PLXDC1: variants seen among roughly 807,000 people sequenced by gnomAD.
PLXDC1 encodes plexin domain-containing protein 1.
In PLXDC1, 39 loss-of-function variants were observed where a neutral mutation model predicts 61.3. That is an observed-to-expected ratio of 0.64 (90% CI 0.49 to 0.83). The LOEUF (loss-of-function observed/expected upper bound fraction) is 0.83. PLXDC1 is among the 40% of genes least tolerant of loss of function. PLXDC1 has a pLI of 0.00. For missense variants in PLXDC1, 596 were observed against 666.5 expected (o/e 0.89, Z 1.17); for synonymous variants, 212 against 254.5 (o/e 0.83, Z 1.59).
In PLXDC1 at chr17:39,109,559, C is replaced by A. The variant is rs192780224; in HGVS notation, c.256-168G>T. Among the ~76,000 whole-genome samples, 40 of 152,282 alleles carry A rather than the reference C, an allele frequency of 2.6e-4. 1 individual carries two copies. The East Asian group carries it at 7.6e-3, about 29-fold the overall frequency. On this transcript the variant is annotated intron_variant, in intron 2 of 13. Coordinates refer to ENST00000315392, the MANE Select transcript of PLXDC1 (RefSeq NM_020405.5). Reference sequence around the variant, plus strand: ...ATTTAGGCCTAGGACCCCCTGGACTCCCCCTTGGCCCCAGACAGCTCACTA... The same window carrying A: ...ATTTAGGCCTAGGACCCCCTGGACTACCCCTTGGCCCCAGACAGCTCACTA...
At position 39,148,004 on chromosome 17, in the gene PLXDC1, C is replaced by T. The variant is rs570617609; in HGVS notation, c.76+3358G>A. ...GAGGTGGGGCTCTCTGAGGAGGGTC[C>T]CCTTGAGCTGATTAAGACCTGAATG... On this transcript the variant is annotated intron_variant, in intron 1 of 13. Transcript: ENST00000315392. 9.9e-5 allele frequency among the ~76,000 whole-genome samples: 15 copies of T among 152,142 alleles called. No individual in the cohort carries two copies. In the South Asian group the frequency reaches 2.7e-3, roughly 27 times the overall value.
intron 7 of PLXDC1, among the ~76,000 whole-genome samples, chr17:39,092,209 G>T (rs992721103): frequency 2.0e-5 from 3 of 151,730 alleles, no homozygotes; most frequent in Non-Finnish European, 2.9e-5. Flanking sequence ...CAAGTAGCTG[G>T]TATTACAGGC....
chr17:39,101,939 G>A (rs556155245), intron 7 of PLXDC1, among the ~76,000 whole-genome samples: 1 of 152,266 alleles, frequency 6.6e-6, no homozygotes, highest in Admixed American at 6.5e-5. Flanking sequence ...TGGGAATGCT[G>A]CAGGCAGGCA....
chr17:39,090,982 C>A (rs774146642), intron 7 of PLXDC1, among the ~76,000 whole-genome samples: 1 of 152,190 alleles, frequency 6.6e-6, no homozygotes. Context: ...CCCACAGAGG[C>A]GGCCTGACCG....
At chr17:39,128,086 T>TGTGTATATATATATATATATATATATATA (rs1567769441) in intron 2 of PLXDC1, among the ~76,000 whole-genome samples, 1 of 118,320 alleles carries the variant, frequency 8.5e-6, no homozygotes, top group South Asian at 2.8e-4. Context: ...TCTCTCTCTC[T>TGTGTATATATATATATATATATATATATA]CTCTCTATGT....
chr17:39,117,152 G>A (rs937115670), intron 2 of PLXDC1, among the ~76,000 whole-genome samples: 3 of 152,224 alleles, frequency 2.0e-5, no homozygotes, highest in African/African-American at 7.2e-5. Flanking sequence ...GCATCTTGTA[G>A]TGACGGGATG....
At chr17:39,147,820 G>A (rs73983241) in intron 1 of PLXDC1, among the ~76,000 whole-genome samples, 453 of 152,260 alleles carry the variant, frequency 3.0e-3, no homozygotes, top group African/African-American at 0.011. Flanking sequence ...TTATTGAGTC[G>A]CAGGCACTGT....
intron 2 of PLXDC1, among the ~76,000 whole-genome samples, chr17:39,123,025 G>T (rs537119771): frequency 6.6e-6 from 1 of 152,150 alleles, no homozygotes; most frequent in East Asian, 1.9e-4. Flanking sequence ...TCAGACCCTC[G>T]GGGTTCCATG....
At chr17:39,069,252 C>T (rs1301795032) in intron 13 of PLXDC1, among the ~76,000 whole-genome samples, 3 of 152,078 alleles carry the variant, frequency 2.0e-5, no homozygotes, top group South Asian at 2.1e-4. Flanking sequence ...ACCACAGGTA[C>T]GTGCCACCAC....
chr17:39,086,731 G>A (rs189531794), intron 8 of PLXDC1, among the ~76,000 whole-genome samples: 81 of 151,878 alleles, frequency 5.3e-4, no homozygotes, highest in Non-Finnish European at 9.4e-4. Flanking sequence ...GCATGGTGGC[G>A]GGTGCCTGTA....
intron 2 of PLXDC1, among the ~76,000 whole-genome samples, chr17:39,120,263 T>C (rs1037314442): frequency 2.0e-5 from 3 of 152,138 alleles, no homozygotes; most frequent in Non-Finnish European, 4.4e-5. Context: ...GCGACTCTCC[T>C]GCCTCAGCCT....
At position 39,067,750 on chromosome 17, in the gene PLXDC1, C is replaced by T; in HGVS notation, c.*90G>A. On this transcript the variant is annotated 3_prime_UTR_variant, in exon 14 of 14. Transcript: ENST00000315392. ...CCATCTCATCTCAGCCCAGGGCATG[C>T]TGGGAGAGGCCAGGAAAAGTCACTT... 7.8e-7 allele frequency: 1 copy of T among 1,289,288 alleles called. No individual in the cohort carries two copies. The highest frequency in any genetic ancestry group is 1.1e-6 in the Non-Finnish European group (1 of 917,252). 79.9% of individuals were successfully genotyped at this position (1,289,288 alleles called of 1,614,324 possible).
chr17:39,139,615 C>A (rs1403912411), intron 2 of PLXDC1, 39 bp downstream of exon 2: 2 of 1,530,160 alleles, frequency 1.3e-6, no homozygotes, highest in East Asian at 2.3e-5. Context: ...CCTCCCCCAC[C>A]CCCACTTCGC....
chr17:39,109,215 C>G (rs1374106444), intron 3 of PLXDC1, 33 bp downstream of exon 3: 1 of 1,591,740 alleles, frequency 6.3e-7, no homozygotes, highest in South Asian at 1.1e-5. Flanking sequence ...CCTCCCAGCA[C>G]AGGGAAGCAT....
At chr17:39,151,896 CCCT>C (rs745587247), upstream of PLXDC1, among the ~76,000 whole-genome samples, 19 of 152,282 alleles carry the variant, frequency 1.2e-4, no homozygotes, top group South Asian at 4.1e-4. This position sits in a 1 kb window ranked among gnomAD's most constrained non-coding sequence, Gnocchi z 5.2. Context: ...GGCTCCCTTT[CCCT>C]CCTCCGTTCC....
intron 11 of PLXDC1, among the ~76,000 whole-genome samples, chr17:39,076,370 G>A (rs188053096): frequency 3.6e-4 from 54 of 151,674 alleles, no homozygotes; most frequent in African/African-American, 1.1e-3. Context: ...AATTAGCCAG[G>A]TATGGTGGTA....
upstream of PLXDC1, chr17:39,152,691 T>A (rs778316225): frequency 6.0e-5 from 74 of 1,233,600 alleles, no homozygotes; most frequent in Non-Finnish European, 7.3e-5. Context: ...TGGAGAAATT[T>A]TCCAGGAGGA....
At chr17:39,133,914 ACTGTGACTGG>A (rs1419382273) in intron 2 of PLXDC1, among the ~76,000 whole-genome samples, 1 of 148,144 alleles carries the variant, frequency 6.8e-6, no homozygotes, top group African/African-American at 2.5e-5. Flanking sequence ...GGCGTGAGCC[ACTGTGACTGG>A]CTGATACACA....
chr17:39,094,261 C>G (rs965210632), intron 7 of PLXDC1, among the ~76,000 whole-genome samples: 1 of 152,136 alleles, frequency 6.6e-6, no homozygotes, highest in Non-Finnish European at 1.5e-5. Context: ...CATCCCCACT[C>G]ATTACTCCCA....
Sources: gnomAD v4.1 joint callset for allele counts (sites outside exome capture counted in the v4.1 genomes callset) on GRCh38, gnomAD v4.1.1 for gene constraint, Gnocchi (gnomAD v3.1) non-coding constraint, MANE v1.5 for transcripts, NCBI Gene and HGNC (gene_info 2026-07-23, HGNC 2026-07-21) for gene names.